Variants in RASSF3 observed in about 807,000 individuals in gnomAD.
The protein encoded by RASSF3 is ras association domain-containing protein 3.
A neutral mutation model predicts 19.9 loss-of-function variants in RASSF3; 19 were observed. The observed-to-expected ratio is 0.96, with a 90% CI of 0.67 to 1.40. RASSF3 has a LOEUF of 1.40. RASSF3 is among the 40% of genes most tolerant of loss of function. The pLI is 0.00. For missense variants in RASSF3, 306 were observed against 289.8 expected, an observed-to-expected ratio of 1.06 and a Z score of -0.41; for synonymous variants, 110 against 104.2, an observed-to-expected ratio of 1.06 and a Z score of -0.34.
chr12:64,603,035 G>A (rs549956252), intron 2 of RASSF3, among the ~76,000 whole-genome samples: 3 of 152,242 alleles, frequency 2.0e-5, no homozygotes, highest in African/African-American at 7.2e-5. Context: ...GGAGGCGGAG[G>A]TTGCAGTGGA....
chr12:64,672,123 C>T (rs1414333858), intron 1 of RASSF3, among the ~76,000 whole-genome samples: 1 of 151,714 alleles, frequency 6.6e-6, no homozygotes, highest in Non-Finnish European at 1.5e-5. Flanking sequence ...TTTTTTGATA[C>T]AGGCATATAA....
chr12:64,541,945 C>T (rs963012296), downstream of RASSF3, among the ~76,000 whole-genome samples: 2 of 152,130 alleles, frequency 1.3e-5, no homozygotes, highest in Non-Finnish European at 2.9e-5. Flanking sequence ...ACAGATTTGT[C>T]ATAAGATATG....
intron 2 of RASSF3, among the ~76,000 whole-genome samples, chr12:64,590,004 GAA>G (rs572265732): frequency 3.7e-5 from 2 of 54,378 alleles, no homozygotes; most frequent in Non-Finnish European, 3.6e-5. Context: ...TCGGTCTCAG[GAA>G]AAAAAAAAAA....
chr12:64,610,890 C>G, intron 1 of RASSF3, 147 bp downstream of exon 1: 1 of 504,824 alleles, frequency 2.0e-6, no homozygotes, highest in African/African-American at 2.0e-5. Context: ...TGGCTTCTGC[C>G]TTTTCGGGTC....
upstream of RASSF3, among the ~76,000 whole-genome samples, chr12:64,606,276 A>G (rs1171853945): frequency 2.0e-5 from 3 of 152,156 alleles, no homozygotes; most frequent in Non-Finnish European, 2.9e-5. Flanking sequence ...TACCCCTGTG[A>G]GCTGAGATTG....
intron 1 of RASSF3, among the ~76,000 whole-genome samples, chr12:64,675,370 G>T (rs1350273389): frequency 6.6e-6 from 1 of 151,862 alleles, no homozygotes; most frequent in Non-Finnish European, 1.5e-5. Context: ...GGTTGGTCTC[G>T]AACTCCTGGG....
At chr12:64,563,596 G>C (rs796803297) in intron 2 of RASSF3, among the ~76,000 whole-genome samples, 12 of 152,328 alleles carry the variant, frequency 7.9e-5, no homozygotes, top group Admixed American at 3.3e-4. Context: ...CTACCTTGCT[G>C]ATCTTGGCTC....
chr12:64,663,414 T>G (rs1202591107), intron 1 of RASSF3, among the ~76,000 whole-genome samples: 1 of 152,136 alleles, frequency 6.6e-6, no homozygotes, highest in Admixed American at 6.5e-5. Flanking sequence ...TATAATGATT[T>G]CCGAAACTCT....
chr12:64,524,218 TTTTATTTATTTA>T (rs59842662), intron 1 of RASSF3, among the ~76,000 whole-genome samples: 3,491 of 137,838 alleles, frequency 0.025, 43 homozygotes, highest in Middle Eastern at 0.093. Context: ...TGCCCGGCAA[TTTTATTTATTTA>T]TTTATTTATT....
At position 64,669,636 on chromosome 12, in the gene RASSF3, A is replaced by G. The variant is rs17100541; in HGVS notation, c.112-15151A>G. On this transcript the variant is annotated intron_variant, in intron 1 of 4. Coordinates refer to ENST00000542104, the MANE Select transcript of RASSF3 (RefSeq NM_178169.4). ...TTGTACTTTAGCACGTTTCCAGTCC[A>G]GCCTTGGTAGCTGGGCTGCTGTTCT... Among the ~76,000 whole-genome samples, 661 of 151,942 alleles carry G rather than the reference A, an allele frequency of 4.4e-3. 6 individuals carry two copies. Among genetic ancestry groups the G allele is most frequent in the African/African-American group, 0.015 (641 of 41,436 alleles).
rs75892354 is a variant in RASSF3, at chr12:64,679,999, G to A, written c.112-4788G>A. ...ACACTTGGTATTGTATCTATTCCAC[G>A]TCCGCTGCACCATTTTCTTTTAACC... On this transcript the variant is annotated intron_variant, in intron 1 of 4. Coordinates refer to ENST00000542104, the MANE Select transcript of RASSF3 (RefSeq NM_178169.4). 4.6e-3 allele frequency among the ~76,000 whole-genome samples: 703 copies of A among 152,178 alleles called. 6 individuals are homozygous for A. The highest frequency in any genetic ancestry group is 0.016 in the African/African-American group (678 of 41,536).
At chr12:64,558,350 C>G (rs974176021) in intron 2 of RASSF3, among the ~76,000 whole-genome samples, 15 of 152,152 alleles carry the variant, frequency 9.9e-5, no homozygotes, top group African/African-American at 3.6e-4. Context: ...CTTGGTTGAT[C>G]GGTACCTTTT....
chr12:64,640,372 C>G (rs1016469381), intron 1 of RASSF3, among the ~76,000 whole-genome samples: 5 of 152,188 alleles, frequency 3.3e-5, no homozygotes, highest in African/African-American at 9.7e-5. Flanking sequence ...GTATCATTAA[C>G]TATAGGCATT....
rs12321014 is a variant in RASSF3 at position 64,660,686 on chromosome 12, G to A, written c.112-24101G>A. ...ATTTTTTCCCAGTGGCTAAAATAAT[G>A]TATACTCAATGCAGAAGACTTGGAA... On this transcript the variant is annotated intron_variant, in intron 1 of 4. Coordinates refer to ENST00000542104, the MANE Select transcript of RASSF3 (RefSeq NM_178169.4). Among the ~76,000 whole-genome samples the A allele has an allele frequency of 8.9e-3, 1,352 of 152,212 alleles. 20 individuals carry two copies. Among genetic ancestry groups the A allele is most frequent in the African/African-American group, 0.031 (1,288 of 41,524 alleles).
At chr12:64,588,449 C>A (rs1226304515) in intron 2 of RASSF3, among the ~76,000 whole-genome samples, 2 of 151,720 alleles carry the variant, frequency 1.3e-5, no homozygotes, top group African/African-American at 4.8e-5. Context: ...TTTACAGAGG[C>A]AGAAGCAGGA....
upstream of RASSF3, among the ~76,000 whole-genome samples, chr12:64,532,111 C>T (rs1176507222): frequency 6.6e-6 from 1 of 152,148 alleles, no homozygotes; most frequent in South Asian, 2.1e-4. Context: ...AAAAGGCAGC[C>T]ATTTGGGAGA....
At chr12:64,595,570 A>G (rs1869987808) in intron 2 of RASSF3, among the ~76,000 whole-genome samples, 1 of 152,194 alleles carries the variant, frequency 6.6e-6, no homozygotes, top group South Asian at 2.1e-4. Context: ...TATGTAATAC[A>G]TCTTTTTCTC....
At chr12:64,589,248 G>A (rs1417916097) in intron 2 of RASSF3, among the ~76,000 whole-genome samples, 4 of 152,260 alleles carry the variant, frequency 2.6e-5, no homozygotes, top group African/African-American at 7.2e-5. Flanking sequence ...TCAGGAGTTC[G>A]AGACCAGCCT....
At chr12:64,668,379 A>G (rs928252918) in intron 1 of RASSF3, among the ~76,000 whole-genome samples, 12 of 151,898 alleles carry the variant, frequency 7.9e-5, no homozygotes, top group South Asian at 2.1e-4. Flanking sequence ...CACAGGCTCA[A>G]TCAATTCTCC....
Sources: gnomAD v4.1 joint callset for allele counts (sites outside exome capture counted in the v4.1 genomes callset) on GRCh38, gnomAD v4.1.1 for gene constraint, MANE v1.5 for transcripts, NCBI Gene and HGNC (gene_info 2026-07-23, HGNC 2026-07-21) for gene names.